ADGRL2: variants seen among roughly 807,000 people sequenced by gnomAD.
The protein encoded by ADGRL2 is calcium-independent alpha-latrotoxin receptor 2.
Under a neutral mutation model 157.4 loss-of-function variants are expected in ADGRL2, and 44 were observed. The observed-to-expected ratio is 0.28, with a 90% confidence interval of 0.22 to 0.36. The LOEUF (loss-of-function observed/expected upper bound fraction) is 0.36. Among genes scored for constraint, ADGRL2 ranks in the 10% least tolerant of loss-of-function variants. ADGRL2 has a pLI of 1.00. For missense variants in ADGRL2, 1,510 were observed against 1,768.9 expected (o/e 0.85, Z 2.63); for synonymous variants, 585 against 624.7 (o/e 0.94, Z 0.95).
At chr1:81,313,914 T>G (rs1659930090) in intron 1 of ADGRL2, among the ~76,000 whole-genome samples, 1 of 152,188 alleles carries the variant, frequency 6.6e-6, no homozygotes, top group East Asian at 1.9e-4. Context: ...TATTGATATT[T>G]CTCTCCTTCA....
rs752595573 is a variant in ADGRL2, at chr1:81,623,635, CT to C, written c.-143+42674del. ...CCTAAATCCAATGACTGATATCTTCCTTTTTTTTTTTTTTTTTTTGAGACAG... is the reference window on the plus strand; with the variant it reads ...CCTAAATCCAATGACTGATATCTTCCTTTTTTTTTTTTTTTTTTGAGACAG... On this transcript the variant is annotated intron_variant, in intron 3 of 24. Coordinates refer to the ADGRL2 transcript ENST00000370721. Among the ~76,000 whole-genome samples the C allele has an allele frequency of 2.7e-3, 318 of 118,954 alleles. 1 individual carries two copies. Among genetic ancestry groups the C allele is most frequent in the Middle Eastern group, 0.011 (2 of 182 alleles). The allele number at this position is 118,954 out of a possible 152,430, so 78.0% of individuals were successfully genotyped here.
At chr1:81,926,905 G>C (rs2095120257) in intron 3 of ADGRL2, among the ~76,000 whole-genome samples, 1 of 151,874 alleles carries the variant, frequency 6.6e-6, no homozygotes, top group African/African-American at 2.4e-5. Context: ...TGACCCCAAG[G>C]TCCGGTAAAA....
intron 1 of ADGRL2, among the ~76,000 whole-genome samples, 160 bp from the exon 2 acceptor site, chr1:81,836,725 T>C (rs2092302972): frequency 6.6e-6 from 1 of 152,044 alleles, no homozygotes; most frequent in South Asian, 2.1e-4. Flanking sequence ...GTTTTCAGAA[T>C]GTAAGATTCA....
intron 1 of ADGRL2, among the ~76,000 whole-genome samples, chr1:81,759,053 T>C (rs1571101120): frequency 6.6e-6 from 1 of 152,162 alleles, no homozygotes; most frequent in Non-Finnish European, 1.5e-5. Flanking sequence ...CTGCTAATAC[T>C]GACCTCAATT....
At chr1:81,910,709 G>A (rs1572070001) in intron 3 of ADGRL2, among the ~76,000 whole-genome samples, 1 of 147,326 alleles carries the variant, frequency 6.8e-6, no homozygotes, top group South Asian at 2.1e-4. Flanking sequence ...AATAATTATT[G>A]CTTATATAGA....
At chr1:81,601,282 T>G (rs2081329059) in intron 3 of ADGRL2, among the ~76,000 whole-genome samples, 2 of 152,164 alleles carry the variant, frequency 1.3e-5, no homozygotes, top group Admixed American at 6.5e-5. Flanking sequence ...CTTTGGTGAG[T>G]CTTTTAATTT....
chr1:81,941,520 A>T (rs368120154), intron 4 of ADGRL2, among the ~76,000 whole-genome samples: 2 of 151,758 alleles, frequency 1.3e-5, no homozygotes, highest in African/African-American at 4.8e-5. Context: ...ATTAAATTTG[A>T]TCTAAACTCC....
chr1:81,466,654 T>C (rs1329244069), intron 2 of ADGRL2, among the ~76,000 whole-genome samples: 2 of 136,672 alleles, frequency 1.5e-5, no homozygotes, highest in South Asian at 2.6e-4. Context: ...TAATGACATA[T>C]AACATCTCTC....
intron 1 of ADGRL2, among the ~76,000 whole-genome samples, chr1:81,740,422 G>C (rs2085036618): frequency 6.6e-6 from 1 of 152,102 alleles, no homozygotes; most frequent in Non-Finnish European, 1.5e-5. Flanking sequence ...TCCAAGTAAT[G>C]ACCATTAACA....
At chr1:81,381,010 C>T (rs2076335004) in intron 1 of ADGRL2, among the ~76,000 whole-genome samples, 2 of 151,804 alleles carry the variant, frequency 1.3e-5, no homozygotes, top group African/African-American at 4.8e-5. Flanking sequence ...TGTTATAGAC[C>T]TCAATAAAAT....
intron 3 of ADGRL2, among the ~76,000 whole-genome samples, chr1:81,634,819 G>A (rs1019340497): frequency 2.0e-5 from 3 of 152,190 alleles, no homozygotes; most frequent in Admixed American, 2.0e-4. Context: ...GTCGCGCCTG[G>A]CCTATGTTAG....
At chr1:81,791,795 ATT>A (rs2087360721) in intron 2 of ADGRL2, among the ~76,000 whole-genome samples, 6 of 152,334 alleles carry the variant, frequency 3.9e-5, no homozygotes, top group Admixed American at 3.9e-4. Context: ...TTGGAAAATT[ATT>A]CCTTGTTTTC....
At chr1:81,401,475 C>T (rs567808930) in intron 1 of ADGRL2, among the ~76,000 whole-genome samples, 1 of 152,304 alleles carries the variant, frequency 6.6e-6, no homozygotes, top group Non-Finnish European at 1.5e-5. Flanking sequence ...CTCTATGTGG[C>T]CATGCTGAGT....
rs562757945 is a variant in ADGRL2, at chr1:81,583,517, G to A, written c.-143+2537G>A. ...ACTTGAAGAAAAACCTCTATAGAAA[G>A]CAATCCCTTCCAGACACTTGACTGC... On this transcript the variant is annotated intron_variant, in intron 3 of 24. Transcript: ENST00000370721. 5.9e-5 allele frequency among the ~76,000 whole-genome samples: 9 copies of A among 152,124 alleles called. No homozygotes were observed. In the South Asian group the frequency reaches 1.9e-3, roughly 32 times the overall value.
At chr1:81,385,971 C>T (rs2076427397) in intron 1 of ADGRL2, among the ~76,000 whole-genome samples, 1 of 151,924 alleles carries the variant, frequency 6.6e-6, no homozygotes, top group African/African-American at 2.4e-5. Flanking sequence ...CTCGATATGT[C>T]TCTATAATTG....
chr1:81,474,550 C>T (rs2078234548), intron 2 of ADGRL2, among the ~76,000 whole-genome samples: 1 of 152,170 alleles, frequency 6.6e-6, no homozygotes, highest in Non-Finnish European at 1.5e-5. Context: ...CCATGTCATT[C>T]AGTGAGCATG....
At chr1:81,936,475 T>C (rs2095312325) in intron 3 of ADGRL2, among the ~76,000 whole-genome samples, 1 of 151,918 alleles carries the variant, frequency 6.6e-6, no homozygotes, top group Non-Finnish European at 1.5e-5. Flanking sequence ...ATAACAATGA[T>C]AGGAAACTGT....
intron 1 of ADGRL2, among the ~76,000 whole-genome samples, chr1:81,727,063 C>T (rs1052260672): frequency 1.2e-4 from 19 of 152,278 alleles, no homozygotes; most frequent in African/African-American, 4.6e-4. Context: ...GTAACAATTG[C>T]ACTACAATGT....
chr1:81,502,494 G>A (rs557216780), intron 2 of ADGRL2: 58 of 1,613,822 alleles, frequency 3.6e-5, no homozygotes, highest in Non-Finnish European at 4.5e-5. Context: ...CCCATCAACC[G>A]AATCCCCATC....
Sources: gnomAD v4.1 joint callset for allele counts (sites outside exome capture counted in the v4.1 genomes callset) on GRCh38, gnomAD v4.1.1 for gene constraint, MANE v1.5 for transcripts, NCBI Gene and HGNC (gene_info 2026-07-23, HGNC 2026-07-21) for gene names.